Variants in TBK1 observed in about 807,000 individuals in gnomAD.
TBK1 encodes the protein serine/threonine-protein kinase TBK1.
In TBK1, 37 loss-of-function variants were observed where a neutral mutation model predicts 99.9. The observed-to-expected ratio is 0.37, with a 90% CI of 0.28 to 0.49. The LOEUF is 0.49. Ranked by LOEUF, TBK1 falls within the 20% of genes least tolerant of loss-of-function variation. The pLI is 0.98. For synonymous variants in TBK1, 258 were observed against 279.8 expected, an observed-to-expected ratio of 0.92 and a Z score of 0.78; for missense variants, 644 against 872.5, an observed-to-expected ratio of 0.74 and a Z score of 3.30.
At chr12:64,490,179 ATTAGAT>A in intron 13 of TBK1, 60 bp downstream of exon 13, 1 of 1,274,092 alleles carries the variant, frequency 7.8e-7, no homozygotes, top group Admixed American at 2.0e-5. Context: ...TGCTGGCACT[ATTAGAT>A]TTAAACTTTC....
At chr12:64,486,705 A>G (rs2040824282) in intron 11 of TBK1, among the ~76,000 whole-genome samples, 2 of 152,004 alleles carry the variant, frequency 1.3e-5, no homozygotes, top group South Asian at 4.2e-4. Context: ...TATAGGCATG[A>G]GCCACACCCA....
chr12:64,479,877 T>A (rs890871518), intron 6 of TBK1, 135 bp from the exon 7 acceptor site: 3 of 571,530 alleles, frequency 5.2e-6, no homozygotes, highest in African/African-American at 1.9e-5. Context: ...GTTTTATGGA[T>A]CCTGTGAGCA....
intron 18 of TBK1, 90 bp from the exon 19 acceptor site, chr12:64,497,558 G>A: frequency 1.2e-6 from 1 of 850,814 alleles, no homozygotes; most frequent in Non-Finnish European, 1.8e-6. Flanking sequence ...ATTAAAAGCT[G>A]TAACACTTGA....
chr12:64,500,943 G>C (rs146354440), intron 20 of TBK1, among the ~76,000 whole-genome samples: 1 of 152,000 alleles, frequency 6.6e-6, no homozygotes, highest in African/African-American at 2.4e-5. Context: ...ATTTTTAGTA[G>C]AGAAGGAGTT....
chr12:64,491,097 A>C (rs2040865018), intron 13 of TBK1, among the ~76,000 whole-genome samples: 1 of 152,120 alleles, frequency 6.6e-6, no homozygotes, highest in South Asian at 2.1e-4. Flanking sequence ...GGAGTCTCTG[A>C]ATCTCTTATT....
At chr12:64,495,092 A>G (rs1414682633) in intron 13 of TBK1, among the ~76,000 whole-genome samples, 1 of 152,218 alleles carries the variant, frequency 6.6e-6, no homozygotes, top group Non-Finnish European at 1.5e-5. Context: ...GAAGAGCACA[A>G]ATCTTGCTGC....
At chr12:64,493,721 G>A (rs1022086655) in intron 13 of TBK1, among the ~76,000 whole-genome samples, 6 of 152,104 alleles carry the variant, frequency 3.9e-5, no homozygotes, top group African/African-American at 9.7e-5. Flanking sequence ...ACCCCACCTC[G>A]GATGTGTTGA....
intron 20 of TBK1, among the ~76,000 whole-genome samples, chr12:64,499,169 G>C (rs1488601758): frequency 6.8e-6 from 1 of 146,840 alleles, no homozygotes; most frequent in African/African-American, 2.5e-5. Flanking sequence ...TCAGCCTCCT[G>C]AGTAGCTGGG....
Position 64,501,498 on chromosome 12 carries a change from C to T in TBK1, c.*117C>T, listed in dbSNP as rs1021958554. 7.8e-6 allele frequency: 8 copies of T among 1,019,988 alleles called. No homozygotes were observed. The highest frequency in any genetic ancestry group is 4.9e-5 in the East Asian group (2 of 40,694). The allele number at this position is 1,019,988 out of a possible 1,614,324, so 63.2% of individuals were successfully genotyped here. A position where few individuals can be genotyped will look rare whatever the true frequency, so the allele number is the denominator to read the frequency against. ...TCTACAATTCAGTATTTGATGTGGTCGTGTAAATATGTACAATATTGTAAA... is the reference window on the plus strand; with the variant it reads ...TCTACAATTCAGTATTTGATGTGGTTGTGTAAATATGTACAATATTGTAAA... On this transcript the variant is annotated 3_prime_UTR_variant, in exon 21 of 21. Transcript: ENST00000331710.
intron 20 of TBK1, among the ~76,000 whole-genome samples, chr12:64,499,938 C>T (rs959900111): frequency 3.3e-5 from 5 of 152,008 alleles, no homozygotes; most frequent in Non-Finnish European, 7.4e-5. Context: ...CCTCGTGATC[C>T]ACCTGCCTCG....
chr12:64,464,613 G>T, intron 4 of TBK1, 150 bp downstream of exon 4: 2 of 600,698 alleles, frequency 3.3e-6, no homozygotes, highest in Non-Finnish European at 5.0e-6. Context: ...TACATAAATT[G>T]GATTTCATCA....
At chr12:64,459,034 C>T (rs1021625462) in intron 2 of TBK1, among the ~76,000 whole-genome samples, 4 of 151,970 alleles carry the variant, frequency 2.6e-5, no homozygotes, top group Non-Finnish European at 4.4e-5. Flanking sequence ...AAGGATCATG[C>T]GATTCTGGAG....
chr12:64,460,601 C>T (rs1322819731), intron 3 of TBK1, among the ~76,000 whole-genome samples: 1 of 151,912 alleles, frequency 6.6e-6, no homozygotes, highest in African/African-American at 2.4e-5. Flanking sequence ...TTTGGGAGAC[C>T]GAGGCAGGTA....
intron 1 of TBK1, among the ~76,000 whole-genome samples, chr12:64,453,590 C>T (rs2136050350): frequency 6.6e-6 from 1 of 152,286 alleles, no homozygotes; most frequent in South Asian, 2.1e-4. Flanking sequence ...GACCATTCTG[C>T]ATTTTCCTAA....
intron 1 of TBK1, among the ~76,000 whole-genome samples, chr12:64,453,055 G>A (rs180930456): frequency 2.0e-5 from 3 of 152,258 alleles, no homozygotes; most frequent in Admixed American, 1.3e-4. Context: ...GGCTGAAGAC[G>A]GCATCATCAG....
chr12:64,494,340 G>A (rs896420972), intron 13 of TBK1, among the ~76,000 whole-genome samples: 2 of 151,560 alleles, frequency 1.3e-5, no homozygotes, highest in Admixed American at 6.6e-5. Flanking sequence ...TTAGCAAGAC[G>A]CAATAGCACG....
intron 6 of TBK1, among the ~76,000 whole-genome samples, chr12:64,475,134 A>G (rs904544803): frequency 5.3e-5 from 8 of 152,210 alleles, no homozygotes; most frequent in Non-Finnish European, 2.9e-5. Context: ...AATAAATGAA[A>G]GAAAATTAAA....
intron 2 of TBK1, among the ~76,000 whole-genome samples, 187 bp downstream of exon 2, chr12:64,456,144 C>T (rs2040485147): frequency 6.6e-6 from 1 of 152,124 alleles, no homozygotes; most frequent in Non-Finnish European, 1.5e-5. Flanking sequence ...CCAGTGGTGG[C>T]ACAGGTTAAG....
At chr12:64,458,937 A>C (rs1462970073) in intron 2 of TBK1, among the ~76,000 whole-genome samples, 1 of 152,160 alleles carries the variant, frequency 6.6e-6, no homozygotes, top group East Asian at 1.9e-4. Context: ...CTTCCTCTAG[A>C]AAGAATATAT....
Sources: allele counts gnomAD v4.1 joint callset (sites outside exome capture counted in the v4.1 genomes callset), GRCh38; gene constraint gnomAD v4.1.1; transcripts MANE v1.5; gene names NCBI Gene and HGNC (gene_info 2026-07-23, HGNC 2026-07-21).